GRIP1: variants seen among roughly 807,000 people sequenced by gnomAD.
The protein encoded by GRIP1 is glutamate receptor interacting protein 1.
GRIP1 carries 45 observed loss-of-function variants against 129.9 expected under a neutral mutation model. The observed-to-expected ratio is 0.35, with a 90% CI of 0.27 to 0.44. The LOEUF (loss-of-function observed/expected upper bound fraction) is 0.44, where lower values mean the gene tolerates loss of function less well. Among genes scored for constraint, GRIP1 ranks in the 20% least tolerant of loss-of-function variants. The probability of loss-of-function intolerance (pLI) is 1.00; values close to 1 mark genes in which losing one functional copy is unlikely to be tolerated. For missense variants in GRIP1, 1,196 were observed against 1,396.8 expected, an observed-to-expected ratio of 0.86 and a Z score of 2.29; for synonymous variants, 530 against 520.8, an observed-to-expected ratio of 1.02 and a Z score of -0.24.
At chr12:66,531,323 A>C (rs2061458500) in intron 4 of GRIP1, among the ~76,000 whole-genome samples, 1 of 64,924 alleles carries the variant, frequency 1.5e-5, no homozygotes, top group Non-Finnish European at 2.8e-5. Flanking sequence ...ACACATACAT[A>C]TACATATATA....
intron 1 of GRIP1, among the ~76,000 whole-genome samples, chr12:66,817,915 T>C (rs994278016): frequency 6.6e-6 from 1 of 152,216 alleles, no homozygotes; most frequent in African/African-American, 2.4e-5. Flanking sequence ...AGATTCTACA[T>C]TCGATCTGTT....
At chr12:66,465,198 G>A (rs1282067460) in intron 8 of GRIP1, 77 bp downstream of exon 8, 13 of 1,254,618 alleles carry the variant, frequency 1.0e-5, no homozygotes, top group African/African-American at 4.4e-5. Context: ...CACCCGCCTC[G>A]GCCTCCCAAA....
intron 15 of GRIP1, among the ~76,000 whole-genome samples, chr12:66,414,319 A>G (rs2057507743): frequency 6.6e-6 from 1 of 152,164 alleles, no homozygotes; most frequent in Non-Finnish European, 1.5e-5. Flanking sequence ...CAGAGAGCCA[A>G]ATAATCAAAG....
At chr12:66,440,141 A>G (rs2058430365) in intron 13 of GRIP1, among the ~76,000 whole-genome samples, 1 of 152,150 alleles carries the variant, frequency 6.6e-6, no homozygotes, top group Non-Finnish European at 1.5e-5. Context: ...TTATATTCTC[A>G]CATCCTTTTC....
At chr12:66,473,246 C>G (rs906185387) in intron 7 of GRIP1, among the ~76,000 whole-genome samples, 3 of 152,186 alleles carry the variant, frequency 2.0e-5, no homozygotes, top group African/African-American at 7.2e-5. Context: ...TGCAGCTCGG[C>G]AAAGCTGCTG....
intron 1 of GRIP1, among the ~76,000 whole-genome samples, chr12:66,844,499 T>C (rs767687184): frequency 6.6e-6 from 1 of 152,194 alleles, no homozygotes; most frequent in Non-Finnish European, 1.5e-5. Context: ...GGAACCTTTA[T>C]GGATTGCTGG....
intron 1 of GRIP1, among the ~76,000 whole-genome samples, chr12:66,904,994 C>T (rs2040907369): frequency 6.6e-6 from 1 of 152,022 alleles, no homozygotes; most frequent in Non-Finnish European, 1.5e-5. Context: ...GCTGCGGTGT[C>T]CTCAACAAAG....
intron 2 of GRIP1, among the ~76,000 whole-genome samples, chr12:66,548,551 G>A (rs1010444050): frequency 2.0e-5 from 3 of 152,192 alleles, no homozygotes; most frequent in Admixed American, 6.5e-5. Flanking sequence ...TACTGACTAT[G>A]CCACCCAGAG....
chr12:67,055,733 T>C (rs980427481), intron 1 of GRIP1, among the ~76,000 whole-genome samples: 5 of 152,188 alleles, frequency 3.3e-5, no homozygotes, highest in Non-Finnish European at 7.4e-5. Flanking sequence ...AGGCAAATAA[T>C]GTTTTTATAT....
At chr12:66,559,137 TA>T (rs55900328) in intron 2 of GRIP1, among the ~76,000 whole-genome samples, 56,312 of 141,530 alleles carry the variant, frequency 0.4, 10,759 homozygotes, top group East Asian at 0.43. Flanking sequence ...CCCTTCATGA[TA>T]AAAAAAAAAA....
intron 1 of GRIP1, among the ~76,000 whole-genome samples, chr12:66,876,113 C>CA (rs1291119121): frequency 6.6e-6 from 1 of 151,262 alleles, no homozygotes. Flanking sequence ...GCACTTAAAA[C>CA]AAAAAAATCT....
At chr12:66,445,696 A>G (rs1406355845) in intron 11 of GRIP1, among the ~76,000 whole-genome samples, 188 bp from the exon 12 acceptor site, 2 of 152,188 alleles carry the variant, frequency 1.3e-5, no homozygotes, top group Non-Finnish European at 2.9e-5. Context: ...CAATTCTATA[A>G]TAACATCAGT....
chr12:66,518,092 A>AC, intron 5 of GRIP1, 116 bp from the exon 6 acceptor site: 1 of 750,752 alleles, frequency 1.3e-6, no homozygotes, highest in African/African-American at 1.7e-5. Flanking sequence ...GAAAATATGT[A>AC]AAATTTTCCT....
At chr12:67,018,773 T>C (rs1179038780) in intron 1 of GRIP1, among the ~76,000 whole-genome samples, 1 of 152,134 alleles carries the variant, frequency 6.6e-6, no homozygotes, top group Non-Finnish European at 1.5e-5. Context: ...AGCTCCATTT[T>C]GTAAAACCAA....
chr12:66,690,852 G>A (rs1327371448), intron 1 of GRIP1, among the ~76,000 whole-genome samples: 1 of 151,714 alleles, frequency 6.6e-6, no homozygotes, highest in African/African-American at 2.4e-5. Flanking sequence ...AGGATTGCTT[G>A]AGCTCAGGAG....
chr12:66,633,013 G>A (rs922593136), intron 1 of GRIP1, among the ~76,000 whole-genome samples: 1 of 151,752 alleles, frequency 6.6e-6, no homozygotes, highest in Admixed American at 6.6e-5. Flanking sequence ...AAGAATATCT[G>A]TAACTTTTTT....
intron 16 of GRIP1, among the ~76,000 whole-genome samples, chr12:66,398,394 C>T (rs944570656): frequency 6.6e-6 from 1 of 151,988 alleles, no homozygotes; most frequent in African/African-American, 2.4e-5. Flanking sequence ...TAAATTCTCT[C>T]TTCATAGAAC....
At position 66,834,843 on chromosome 12, in the gene GRIP1, C is replaced by G. The variant is rs527541960; in HGVS notation, c.58+234207G>C. ...GGCTGAGGCAGGAGGATTGCTTGAG[C>G]TCAGGAGTTCAAGGCTATACGAGCT... is the stretch of plus-strand genomic sequence containing the variant. On this transcript the variant is annotated intron_variant, in intron 1 of 1. Transcript: ENST00000643019. Among the ~76,000 whole-genome samples, 3 of 148,432 alleles carry G rather than the reference C, an allele frequency of 2.0e-5. No individual in the cohort carries two copies. The East Asian group carries it at 6.0e-4, about 30-fold the overall frequency.
At chr12:66,476,872 G>A (rs1285899078) in intron 7 of GRIP1, among the ~76,000 whole-genome samples, 4 of 152,072 alleles carry the variant, frequency 2.6e-5, no homozygotes, top group Admixed American at 1.3e-4. Flanking sequence ...TTGATGGGAC[G>A]TATCTAAAAA....
Sources: gnomAD v4.1 joint callset for allele counts (sites outside exome capture counted in the v4.1 genomes callset) on GRCh38, gnomAD v4.1.1 for gene constraint, MANE v1.5 for transcripts, NCBI Gene and HGNC (gene_info 2026-07-23, HGNC 2026-07-21) for gene names.